PIK3R1: variants seen among roughly 807,000 people sequenced by gnomAD.
The protein encoded by PIK3R1 is phosphoinositide-3-kinase regulatory subunit 1.
In PIK3R1, 29 loss-of-function variants were observed where a neutral mutation model predicts 98.0. The ratio of observed to expected loss-of-function variants is 0.30; its 90% CI spans 0.22 to 0.40. The LOEUF (loss-of-function observed/expected upper bound fraction) is 0.40, where lower values mean the gene tolerates loss of function less well. Ranked by LOEUF, PIK3R1 falls within the 10% of genes least tolerant of loss-of-function variation. The pLI is 1.00. For synonymous variants in PIK3R1, 282 were observed against 311.8 expected (o/e 0.90, Z 1.01); for missense variants, 596 against 872.7 (o/e 0.68, Z 3.99).
chr5:68,276,912 C>T (rs1022171352), intron 4 of PIK3R1, among the ~76,000 whole-genome samples: 2 of 152,152 alleles, frequency 1.3e-5, no homozygotes, highest in Non-Finnish European at 2.9e-5. Context: ...GAGCAGGTGA[C>T]AGCCACAGTC....
At chr5:68,264,563 C>T (rs1746045046) in intron 2 of PIK3R1, among the ~76,000 whole-genome samples, 1 of 152,162 alleles carries the variant, frequency 6.6e-6, no homozygotes, top group African/African-American at 2.4e-5. Flanking sequence ...TGAGATTAAA[C>T]GCTGAGCAGA....
chr5:68,249,515 G>A (rs1745220674), intron 2 of PIK3R1, among the ~76,000 whole-genome samples: 1 of 152,160 alleles, frequency 6.6e-6, no homozygotes, highest in Non-Finnish European at 1.5e-5. Flanking sequence ...AACACACATT[G>A]AAGTATTTAA....
chr5:68,263,214 T>TC (rs1491505755), intron 2 of PIK3R1, among the ~76,000 whole-genome samples: 3 of 82,248 alleles, frequency 3.6e-5, no homozygotes, highest in South Asian at 7.5e-4. Context: ...TATATATATA[T>TC]TTCTACATAT....
At chr5:68,220,885 G>A (rs1225871476) in intron 1 of PIK3R1, among the ~76,000 whole-genome samples, 5 of 152,120 alleles carry the variant, frequency 3.3e-5, no homozygotes, top group Admixed American at 3.3e-4. Context: ...CAAATTGAAG[G>A]CAATTTATTA....
At chr5:68,283,368 G>A (rs1580248552) in intron 7 of PIK3R1, among the ~76,000 whole-genome samples, 1 of 152,176 alleles carries the variant, frequency 6.6e-6, no homozygotes, top group South Asian at 2.1e-4. Context: ...TTAGCACATA[G>A]TATCTAATTA....
chr5:68,219,221 A>G (rs1219173161), intron 1 of PIK3R1, among the ~76,000 whole-genome samples: 1 of 152,254 alleles, frequency 6.6e-6, no homozygotes, highest in Non-Finnish European at 1.5e-5. Flanking sequence ...TACTGTAGAA[A>G]CATCTTTGGA....
intron 2 of PIK3R1, among the ~76,000 whole-genome samples, chr5:68,257,709 T>A (rs1416989659): frequency 6.6e-6 from 1 of 152,232 alleles, no homozygotes; most frequent in Non-Finnish European, 1.5e-5. Context: ...GTCTATAATA[T>A]TAATTCCCTG....
intron 7 of PIK3R1, among the ~76,000 whole-genome samples, chr5:68,282,680 G>A (rs148414225): frequency 2.6e-5 from 4 of 152,246 alleles, no homozygotes; most frequent in Middle Eastern, 3.4e-3. Context: ...AATGCCACCC[G>A]GAAAGCTGTT....
chr5:68,222,021 A>T (rs1396948743), intron 1 of PIK3R1, among the ~76,000 whole-genome samples: 5 of 152,244 alleles, frequency 3.3e-5, no homozygotes, highest in Non-Finnish European at 2.9e-5. Flanking sequence ...ACTAGCTTGG[A>T]GCCTATATCA....
rs779128647 is a variant in PIK3R1 at position 68,226,631 on chromosome 5, C to T, written c.-45C>T. ...CATAAAAACGTAAAATCAGACTGCTCTGTACAACCAGGCTCAACTGTTGCA... is the reference window on the plus strand; with the variant it reads ...CATAAAAACGTAAAATCAGACTGCTTTGTACAACCAGGCTCAACTGTTGCA... On this transcript the variant is annotated 5_prime_UTR_variant, in exon 2 of 16. Coordinates refer to ENST00000521381, the MANE Select transcript of PIK3R1 (RefSeq NM_181523.3). 12 of 1,487,618 alleles carry T rather than the reference C, an allele frequency of 8.1e-6. No individual in the cohort carries two copies. Among genetic ancestry groups the T allele is most frequent in the Non-Finnish European group, 1.1e-5 (12 of 1,073,186 alleles). The allele number at this position is 1,487,618 out of a possible 1,614,324, so 92.2% of individuals were successfully genotyped here.
Position 68,281,144 on chromosome 5 carries a change from TAA to T in PIK3R1, c.916+140_916+141del, listed in dbSNP as rs1349451385. The T allele has an allele frequency of 5.0e-6, 3 of 604,524 alleles. No individual in the cohort carries two copies. The African/African-American group carries it at 5.6e-5, about 11-fold the overall frequency. The allele number at this position is 604,524 out of a possible 1,614,324, so 37.4% of individuals were successfully genotyped here. ...GGTAGTAATATGTTACCTTGTGATT[TAA>T]AGAAAAAATAGCTGAGTGGTAGTGT... On this transcript the variant is annotated intron_variant, in intron 7 of 15. Coordinates refer to ENST00000521381, the MANE Select transcript of PIK3R1 (RefSeq NM_181523.3).
intron 1 of PIK3R1, among the ~76,000 whole-genome samples, chr5:68,216,363 G>T (rs1580162604): frequency 6.6e-6 from 1 of 152,200 alleles, no homozygotes; most frequent in Admixed American, 6.5e-5. Context: ...CGCCCTGGCC[G>T]CTGCCTTCGT....
intron 2 of PIK3R1, among the ~76,000 whole-genome samples, chr5:68,229,286 TTA>T (rs988416917): frequency 6.4e-4 from 97 of 152,330 alleles, no homozygotes; most frequent in African/African-American, 2.1e-3. Flanking sequence ...AGGACAAATT[TTA>T]TATGTTAGAA....
chr5:68,262,490 GT>G (rs1745808822), intron 2 of PIK3R1, among the ~76,000 whole-genome samples: 1 of 137,848 alleles, frequency 7.3e-6, no homozygotes, highest in Non-Finnish European at 1.6e-5. Context: ...ATATCTATAT[GT>G]ATACATATAT....
intron 2 of PIK3R1, 70 bp downstream of exon 2, chr5:68,227,079 G>T: frequency 2.8e-6 from 4 of 1,405,256 alleles, no homozygotes; most frequent in Admixed American, 2.3e-5. Context: ...CTTAAGTTTG[G>T]GTTGAGTCGT....
intron 2 of PIK3R1, among the ~76,000 whole-genome samples, chr5:68,253,652 G>A (rs748701958): frequency 5.3e-5 from 8 of 152,120 alleles, no homozygotes; most frequent in Non-Finnish European, 1.0e-4. Context: ...TAGTAAGTCA[G>A]GCAAGATGCC....
At chr5:68,262,450 A>ATACATATATATATCTATATATG (rs1217982360) in intron 2 of PIK3R1, among the ~76,000 whole-genome samples, 21 of 146,820 alleles carry the variant, frequency 1.4e-4, no homozygotes, top group African/African-American at 5.0e-5. Flanking sequence ...TGTATGTAGA[A>ATACATATATATATCTATATATG]TACATATATA....
chr5:68,238,922 A>G (rs1346032280), intron 2 of PIK3R1, among the ~76,000 whole-genome samples: 1 of 152,126 alleles, frequency 6.6e-6, no homozygotes, highest in East Asian at 1.9e-4. Context: ...CTGGCAAGAT[A>G]TTAGCTACCA....
At chr5:68,242,185 A>G (rs1469952615) in intron 2 of PIK3R1, among the ~76,000 whole-genome samples, 7 of 152,242 alleles carry the variant, frequency 4.6e-5, no homozygotes, top group Admixed American at 3.9e-4. Flanking sequence ...AGCAATTCCA[A>G]CCTAGAAAAA....
Sources: allele counts gnomAD v4.1 joint callset (sites outside exome capture counted in the v4.1 genomes callset), GRCh38; gene constraint gnomAD v4.1.1; transcripts MANE v1.5; gene names NCBI Gene and HGNC (gene_info 2026-07-23, HGNC 2026-07-21).